Variants in GRIK2 observed in about 807,000 individuals in gnomAD.
The protein encoded by GRIK2 is glutamate ionotropic receptor kainate type subunit 2, also known as glutamate receptor ionotropic, kainate 2.
GRIK2 carries 32 observed loss-of-function variants against 100.3 expected under a neutral mutation model. The observed-to-expected ratio is 0.32, with a 90% CI of 0.24 to 0.43. The LOEUF is 0.43. Ranked by LOEUF, GRIK2 falls within the 20% of genes least tolerant of loss-of-function variation. The pLI, the probability that GRIK2 is intolerant of heterozygous loss-of-function variation, is 1.00. For synonymous variants in GRIK2, 417 were observed against 389.4 expected (o/e 1.07, Z -0.83); for missense variants, 843 against 1,114.9 (o/e 0.76, Z 3.47).
rs767791520 is a variant in GRIK2 at position 101,889,689 on chromosome 6, A to C, written c.1574A>C (p.Lys525Thr). Residue 525 changes from lysine (K) to threonine (T), a missense_variant, in exon 12 of 17, where the codon AAG becomes ACG. By Grantham distance (78) the Lys-to-Thr change is moderately conservative. This residue lies in a region of GRIK2 where 519 missense variants were observed against 643.8 expected (regional missense o/e 0.81). Transcript: ENST00000369134. Reference protein sequence around the residue: ...APLAITYVREKVIDFSKPFMT... With the variant: ...APLAITYVRETVIDFSKPFMT... The stretch of plus-strand genomic sequence containing the variant: ...CTGGCTATTACCTATGTTCGAGAGA[A>C]GGTCATCGACTTTTCCAAGCCCTTT... The C allele has an allele frequency of 6.2e-7, 1 of 1,612,536 alleles. No individual in the cohort carries two copies. Among genetic ancestry groups the C allele is most frequent in the Non-Finnish European group, 8.5e-7 (1 of 1,179,382 alleles).
chr6:101,486,149 C>T (rs1200460121), intron 2 of GRIK2, among the ~76,000 whole-genome samples: 2 of 152,008 alleles, frequency 1.3e-5, no homozygotes, highest in East Asian at 1.9e-4. Context: ...TTGGTGTGTT[C>T]AGTCTCCTCT....
chr6:101,745,438 G>A (rs1040808798), intron 7 of GRIK2, among the ~76,000 whole-genome samples: 1 of 152,104 alleles, frequency 6.6e-6, no homozygotes. Context: ...ATACAGTCAT[G>A]TATTGCTTAA....
chr6:101,542,350 T>C (rs1475657872), intron 2 of GRIK2, among the ~76,000 whole-genome samples: 2 of 152,076 alleles, frequency 1.3e-5, no homozygotes, highest in Non-Finnish European at 2.9e-5. Context: ...TATATTATTA[T>C]GTATGTTCAC....
rs1780759950 is a variant in GRIK2, at chr6:101,802,873, T to A, written c.1203+435T>A. 2.0e-5 allele frequency among the ~76,000 whole-genome samples: 3 copies of A among 151,826 alleles called. No homozygotes were observed. In the South Asian group the frequency reaches 6.2e-4, roughly 31 times the overall value. ...TTTGAGTCATATTTAAGTGAAATAT[T>A]TGAATTCATGTATGCACAGTAACTA... On this transcript the variant is annotated intron_variant, in intron 9 of 16. Transcript: ENST00000369134.
chr6:101,598,586 C>G (rs540423203), intron 2 of GRIK2, among the ~76,000 whole-genome samples: 1 of 120,504 alleles, frequency 8.3e-6, no homozygotes, highest in Non-Finnish European at 1.7e-5. Context: ...GGGCTCTCTT[C>G]CTTAATAAAA....
At chr6:101,917,617 T>C (rs1789202832) in intron 12 of GRIK2, among the ~76,000 whole-genome samples, 4 of 151,544 alleles carry the variant, frequency 2.6e-5, no homozygotes, top group African/African-American at 9.7e-5. Context: ...TGATGTAACT[T>C]CTCTTATTAA....
intron 7 of GRIK2, among the ~76,000 whole-genome samples, chr6:101,792,265 T>G (rs1395363700): frequency 5.3e-5 from 8 of 152,166 alleles, no homozygotes; most frequent in East Asian, 3.9e-4. Context: ...GATAGCTGGT[T>G]ATTTTGCTCA....
intron 10 of GRIK2, among the ~76,000 whole-genome samples, chr6:101,851,428 A>G (rs4840199): frequency 0.11 from 16,451 of 151,928 alleles, 1,899 homozygotes; most frequent in East Asian, 0.66. Context: ...TGTTCAAGTC[A>G]GTTTCTGTGA....
chr6:101,476,146 A>G lies in GRIK2; in HGVS notation c.115+76754A>G, dbSNP rs147979076. 6.5e-3 allele frequency among the ~76,000 whole-genome samples: 994 copies of G among 152,150 alleles called. 16 individuals are homozygous for G. The highest frequency in any genetic ancestry group is 0.023 in the African/African-American group (938 of 41,542). On this transcript the variant is annotated intron_variant, in intron 2 of 16. Transcript: ENST00000369134. Reference sequence around the variant, plus strand: ...CAAATGCACAACTAATCTCAGGAATACCATATGATGAATTTAGTATATAAC... The same window carrying G: ...CAAATGCACAACTAATCTCAGGAATGCCATATGATGAATTTAGTATATAAC...
chr6:101,687,573 T>C (rs1674898925), intron 7 of GRIK2, among the ~76,000 whole-genome samples: 1 of 151,916 alleles, frequency 6.6e-6, no homozygotes, highest in African/African-American at 2.4e-5. Context: ...TTTTTATCCT[T>C]AGAAGGTTTT....
chr6:101,760,562 AAT>A (rs1777500967), intron 7 of GRIK2, among the ~76,000 whole-genome samples: 2 of 95,084 alleles, frequency 2.1e-5, no homozygotes, highest in African/African-American at 1.0e-4. Flanking sequence ...ATATATAATT[AAT>A]TATATTTAAT....
Position 101,622,102 on chromosome 6 carries a change from A to G in GRIK2, c.269A>G (p.Glu90Gly). 6.3e-7 allele frequency: 1 copy of G among 1,590,966 alleles called. No homozygotes were observed. The highest frequency in any genetic ancestry group is 8.6e-7 in the Non-Finnish European group (1 of 1,160,798). The change falls in exon 3 of 17, where the codon GAA becomes GGA. Residue 90 changes from glutamate to glycine, a missense_variant. Glu to Gly is a moderately conservative substitution (Grantham distance 98). Transcript: ENST00000369134. Reference protein sequence around the residue: ...TQKINLYDSFEASKKACDQLS... With the variant: ...TQKINLYDSFGASKKACDQLS... ...AAGATAAACCTTTATGATAGTTTTG[A>G]AGCATCCAAGAAAGGTAATTGATAG...
At chr6:101,777,280 C>G (rs1778805155) in intron 7 of GRIK2, among the ~76,000 whole-genome samples, 1 of 152,148 alleles carries the variant, frequency 6.6e-6, no homozygotes, top group Admixed American at 6.5e-5. Context: ...GGGCAGAGTG[C>G]TCAGTGCAGT....
chr6:101,746,295 C>G (rs964094630), intron 7 of GRIK2, among the ~76,000 whole-genome samples: 1 of 152,068 alleles, frequency 6.6e-6, no homozygotes. Flanking sequence ...AACTTAGATT[C>G]CAGTCTTATT....
At chr6:101,557,394 T>C (rs1204542102) in intron 2 of GRIK2, among the ~76,000 whole-genome samples, 2 of 152,182 alleles carry the variant, frequency 1.3e-5, no homozygotes, top group Non-Finnish European at 2.9e-5. Flanking sequence ...GTTATTAAAC[T>C]AGTTCATGGT....
At chr6:101,619,766 T>C (rs1323170317) in intron 2 of GRIK2, among the ~76,000 whole-genome samples, 2 of 152,126 alleles carry the variant, frequency 1.3e-5, no homozygotes. Flanking sequence ...AGTCATCTTA[T>C]CTCACATTTT....
chr6:101,716,194 G>C (rs1188432132), intron 7 of GRIK2, among the ~76,000 whole-genome samples: 2 of 151,594 alleles, frequency 1.3e-5, no homozygotes, highest in Non-Finnish European at 2.9e-5. Context: ...CTCCATCTCT[G>C]AATGGTGTTT....
rs546315877 is a variant in GRIK2 at position 101,750,397 on chromosome 6, C to G, written c.952-49251C>G. On this transcript the variant is annotated intron_variant, in intron 7 of 16. Transcript: ENST00000369134. Reference sequence around the variant, plus strand: ...TCCATGATGCTTCCTTTATTTTACCCTTCTCACCGAGGCCCAGATAAATGT... The same window carrying G: ...TCCATGATGCTTCCTTTATTTTACCGTTCTCACCGAGGCCCAGATAAATGT... 3.3e-5 allele frequency among the ~76,000 whole-genome samples: 5 copies of G among 152,224 alleles called. No homozygotes were observed. The East Asian group carries it at 9.7e-4, about 29-fold the overall frequency.
At chr6:101,471,792 A>G (rs185007908) in intron 2 of GRIK2, among the ~76,000 whole-genome samples, 28 of 152,082 alleles carry the variant, frequency 1.8e-4, no homozygotes, top group Admixed American at 9.8e-4. Flanking sequence ...AAGCATAAAC[A>G]TGTCTGTAAG....
Sources: gnomAD v4.1 joint callset for allele counts (sites outside exome capture counted in the v4.1 genomes callset) on GRCh38, gnomAD v4.1.1 for gene constraint, gnomAD v4.1.1 regional missense constraint, MANE v1.5 for transcripts, NCBI Gene and HGNC (gene_info 2026-07-23, HGNC 2026-07-21) for gene names.